Variants in GALNTL6 observed in about 807,000 individuals in gnomAD.
GALNTL6 encodes the protein polypeptide N-acetylgalactosaminyltransferase like 6.
In GALNTL6, 46 loss-of-function variants were observed where a neutral mutation model predicts 73.7. That is an observed-to-expected ratio of 0.62 (90% confidence interval 0.49 to 0.80). The LOEUF (loss-of-function observed/expected upper bound fraction) is 0.80, where lower values mean the gene tolerates loss of function less well. Ranked by LOEUF, GALNTL6 falls within the 30% of genes least tolerant of loss-of-function variation. The probability of loss-of-function intolerance (pLI) is 0.00; values close to 1 mark genes in which losing one functional copy is unlikely to be tolerated. For synonymous variants in GALNTL6, 259 were observed against 263.7 expected, an observed-to-expected ratio of 0.98 and a Z score of 0.17; for missense variants, 604 against 755.0, an observed-to-expected ratio of 0.80 and a Z score of 2.34.
intron 3 of GALNTL6, among the ~76,000 whole-genome samples, chr4:172,297,136 C>T (rs1232336414): frequency 6.6e-6 from 1 of 152,130 alleles, no homozygotes; most frequent in Non-Finnish European, 1.5e-5. Context: ...TTTCATGTCT[C>T]TGTTGGCTGC....
At chr4:172,758,490 C>T (rs1022935327) in intron 5 of GALNTL6, among the ~76,000 whole-genome samples, 3 of 152,176 alleles carry the variant, frequency 2.0e-5, no homozygotes, top group African/African-American at 7.2e-5. Flanking sequence ...GATCAGAGAT[C>T]ACGCCCCTGC....
At chr4:172,568,580 C>T (rs1178320112) in intron 5 of GALNTL6, among the ~76,000 whole-genome samples, 3 of 151,474 alleles carry the variant, frequency 2.0e-5, no homozygotes, top group Admixed American at 2.0e-4. Context: ...CACGGTGAAA[C>T]CCCGTCTCTA....
chr4:172,201,584 G>A (rs1387658338), intron 2 of GALNTL6, among the ~76,000 whole-genome samples: 1 of 151,132 alleles, frequency 6.6e-6, no homozygotes, highest in Non-Finnish European at 1.5e-5. Context: ...TATTGGTATT[G>A]TTGTTATTAA....
intron 7 of GALNTL6, among the ~76,000 whole-genome samples, chr4:172,822,139 T>G (rs1197353798): frequency 1.3e-5 from 2 of 152,188 alleles, no homozygotes; most frequent in Non-Finnish European, 2.9e-5. Flanking sequence ...GAAAATGACA[T>G]TAATAAAATT....
chr4:172,038,545 A>G (rs905870553), intron 2 of GALNTL6, among the ~76,000 whole-genome samples: 34 of 152,192 alleles, frequency 2.2e-4, no homozygotes, highest in Admixed American at 2.0e-3. Context: ...GAGAGTAATT[A>G]TGTGAAGTAA....
In GALNTL6 at chr4:172,779,486, G is replaced by A. The variant is rs373152690; in HGVS notation, c.554-29875G>A. 5.8e-4 allele frequency among the ~76,000 whole-genome samples: 88 copies of A among 152,232 alleles called. No individual in the cohort carries two copies. The South Asian group carries it at 5.8e-3, about 10-fold the overall frequency. ...GTTTAGAGCTTCTAGCCATGTCAAG[G>A]GAAAATTTGGCAGGTGGTGTATGGC... is the stretch of plus-strand genomic sequence containing the variant. On this transcript the variant is annotated intron_variant, in intron 5 of 12. Coordinates refer to ENST00000506823, the MANE Select transcript of GALNTL6 (RefSeq NM_001034845.3).
chr4:172,514,000 T>A (rs1734517811), intron 5 of GALNTL6, among the ~76,000 whole-genome samples: 1 of 152,108 alleles, frequency 6.6e-6, no homozygotes, highest in African/African-American at 2.4e-5. Context: ...GCAGGGTTGT[T>A]CTTTTATGAG....
At chr4:172,846,446 T>C (rs969606285) in intron 7 of GALNTL6, among the ~76,000 whole-genome samples, 3 of 152,168 alleles carry the variant, frequency 2.0e-5, no homozygotes, top group African/African-American at 7.2e-5. Flanking sequence ...ACACAGAACA[T>C]AACCATATGC....
At chr4:172,853,564 A>G (rs1401579034) in intron 7 of GALNTL6, among the ~76,000 whole-genome samples, 1 of 152,158 alleles carries the variant, frequency 6.6e-6, no homozygotes, top group Non-Finnish European at 1.5e-5. Flanking sequence ...GGTCATGAAT[A>G]TCTGAGCTCT....
intron 5 of GALNTL6, among the ~76,000 whole-genome samples, chr4:172,611,864 G>T (rs373914750): frequency 1.3e-5 from 2 of 152,158 alleles, no homozygotes; most frequent in South Asian, 4.1e-4. Context: ...GCAGACAATT[G>T]TAGTTCATAT....
intron 5 of GALNTL6, among the ~76,000 whole-genome samples, chr4:172,789,149 C>T (rs1254324487): frequency 2.0e-5 from 3 of 152,160 alleles, no homozygotes; most frequent in Admixed American, 6.5e-5. Context: ...AAAGCTCAGT[C>T]CTCAAAACTG....
At chr4:172,426,240 A>T (rs1219003668) in intron 5 of GALNTL6, among the ~76,000 whole-genome samples, 2 of 152,128 alleles carry the variant, frequency 1.3e-5, no homozygotes, top group Non-Finnish European at 2.9e-5. Context: ...TAGAAATGTG[A>T]TGAAGCTTCT....
At chr4:172,417,699 TG>T (rs1730896078) in intron 5 of GALNTL6, among the ~76,000 whole-genome samples, 1 of 152,128 alleles carries the variant, frequency 6.6e-6, no homozygotes, top group Non-Finnish European at 1.5e-5. Flanking sequence ...ATATTGCGAT[TG>T]TTTTTCTGTC....
chr4:172,746,837 A>G (rs1034198155), intron 5 of GALNTL6, among the ~76,000 whole-genome samples: 8 of 152,084 alleles, frequency 5.3e-5, no homozygotes, highest in Non-Finnish European at 1.0e-4. Flanking sequence ...AGTACTATAA[A>G]TTATAACTAG....
intron 5 of GALNTL6, among the ~76,000 whole-genome samples, chr4:172,694,626 G>A (rs1733570157): frequency 6.6e-6 from 1 of 152,178 alleles, no homozygotes; most frequent in Admixed American, 6.5e-5. Context: ...ATGGGGGCTG[G>A]AAGCTTGGAA....
intron 2 of GALNTL6, among the ~76,000 whole-genome samples, chr4:171,930,817 A>G (rs749462823): frequency 3.3e-5 from 5 of 152,204 alleles, no homozygotes; most frequent in Non-Finnish European, 5.9e-5. Flanking sequence ...CCTGGGTGAC[A>G]GAGCGAGACT....
chr4:172,852,910 TAAA>T (rs1743913426), intron 7 of GALNTL6, among the ~76,000 whole-genome samples: 1 of 152,082 alleles, frequency 6.6e-6, no homozygotes, highest in Non-Finnish European at 1.5e-5. Context: ...AAAAATCACA[TAAA>T]AATATATATA....
chr4:172,933,103 A>C (rs752863117), intron 9 of GALNTL6, among the ~76,000 whole-genome samples: 1 of 152,220 alleles, frequency 6.6e-6, no homozygotes, highest in Non-Finnish European at 1.5e-5. Context: ...ACAATAGTTC[A>C]CAGGAAAGTA....
At chr4:172,350,883 A>T (rs1182092218) in intron 5 of GALNTL6, among the ~76,000 whole-genome samples, 1 of 152,160 alleles carries the variant, frequency 6.6e-6, no homozygotes, top group African/African-American at 2.4e-5. Context: ...TAAATAATTA[A>T]TGTAATGAAC....
Sources: allele counts gnomAD v4.1 joint callset (sites outside exome capture counted in the v4.1 genomes callset), GRCh38; gene constraint gnomAD v4.1.1; transcripts MANE v1.5; gene names NCBI Gene and HGNC (gene_info 2026-07-23, HGNC 2026-07-21).